The following CELF2 variants were observed in gnomAD, a reference collection of about 807,000 sequenced individuals.
CELF2 encodes the protein CUGBP Elav-like family member 2.
CELF2 carries 8 observed loss-of-function variants against 62.6 expected under a neutral mutation model. That is an observed-to-expected ratio of 0.13 (90% CI 0.07 to 0.23). The LOEUF is 0.23. Ranked by LOEUF, CELF2 falls within the 10% of genes least tolerant of loss-of-function variation. CELF2 has a pLI of 1.00. For synonymous variants in CELF2, 258 were observed against 250.0 expected (o/e 1.03, Z -0.30); for missense variants, 333 against 671.0 (o/e 0.50, Z 5.56).
At chr10:10,502,142 T>C in the CELF2 span, among the ~76,000 whole-genome samples, 1 of 152,112 alleles carries the variant, frequency 6.6e-6, no homozygotes. Context: ...TCTTCATATA[T>C]ATTACTGAAT....
intron 1 of CELF2, among the ~76,000 whole-genome samples, chr10:10,912,089 TGAG>T (rs904842856): frequency 2.0e-5 from 3 of 152,160 alleles, no homozygotes; most frequent in Non-Finnish European, 2.9e-5. Context: ...CCGTAAATCT[TGAG>T]GAGAAGAAAG....
At chr10:10,556,481 C>T in the CELF2 span, among the ~76,000 whole-genome samples, 4 of 152,056 alleles carry the variant, frequency 2.6e-5, no homozygotes, top group Non-Finnish European at 5.9e-5. Context: ...TGAATAATGC[C>T]GCAATAAACA....
intron 1 of CELF2, among the ~76,000 whole-genome samples, chr10:10,863,243 T>C (rs749132661): frequency 6.6e-6 from 1 of 152,198 alleles, no homozygotes. Context: ...TTAATCCCAC[T>C]ATCACATTAA....
At chr10:11,320,712 A>G (rs2140953458) in intron 10 of CELF2, 1 of 847,042 alleles carries the variant, frequency 1.2e-6, no homozygotes, top group East Asian at 2.6e-5. Context: ...GGCCTAAGGG[A>G]AAAAAGTTTT....
rs2096087078 is a variant in CELF2, at chr10:11,334,731, A to G, written c.*5678A>G. The G allele has an allele frequency of 6.6e-6, 1 of 151,966 alleles. No homozygotes were observed. Among genetic ancestry groups the G allele is most frequent in the Non-Finnish European group, 1.5e-5 (1 of 67,982 alleles). The allele number at this position is 151,966 out of a possible 1,614,324, so 9.4% of individuals were successfully genotyped here. A position where few individuals can be genotyped will look rare whatever the true frequency, so the allele number is the denominator to read the frequency against. The stretch of plus-strand genomic sequence containing the variant: ...ACGCAGTTCTTAACATACATTCCAA[A>G]CTGCTGCGGGGTTTCCTCTCCACAC... On this transcript the variant is annotated 3_prime_UTR_variant, in exon 13 of 13. Transcript: ENST00000633077.
chr10:10,598,928 T>C, the CELF2 span, among the ~76,000 whole-genome samples: 2 of 151,800 alleles, frequency 1.3e-5, no homozygotes, highest in Admixed American at 6.6e-5. Flanking sequence ...TATTTTTGTA[T>C]TTTTAGTAGA....
At chr10:11,308,096 C>T (rs892979260) in intron 9 of CELF2, among the ~76,000 whole-genome samples, 1 of 152,226 alleles carries the variant, frequency 6.6e-6, no homozygotes, top group African/African-American at 2.4e-5. Flanking sequence ...AATATGTCAT[C>T]TTACTAACTT....
the CELF2 span, among the ~76,000 whole-genome samples, chr10:10,491,659 T>C: frequency 6.6e-6 from 1 of 152,192 alleles, no homozygotes; most frequent in Non-Finnish European, 1.5e-5. Flanking sequence ...CTCTAATCTC[T>C]GAAACAAAAA....
At chr10:11,202,845 AT>A (rs2059520840) in intron 2 of CELF2, among the ~76,000 whole-genome samples, 1 of 148,602 alleles carries the variant, frequency 6.7e-6, no homozygotes, top group Non-Finnish European at 1.5e-5. Flanking sequence ...TGCCTAGAGC[AT>A]TTTAGCTCCT....
the CELF2 span, among the ~76,000 whole-genome samples, chr10:10,622,187 C>T: frequency 0.035 from 5,296 of 152,238 alleles, 198 homozygotes; most frequent in African/African-American, 0.098. Flanking sequence ...CACCACAAGG[C>T]CTGTGCATTC....
At chr10:10,582,742 A>T in the CELF2 span, among the ~76,000 whole-genome samples, 3 of 152,208 alleles carry the variant, frequency 2.0e-5, no homozygotes, top group Non-Finnish European at 2.9e-5. Flanking sequence ...AAGCGTAAAA[A>T]TATGATACAA....
chr10:11,148,516 C>A (rs932496804), intron 1 of CELF2, among the ~76,000 whole-genome samples: 3 of 152,184 alleles, frequency 2.0e-5, no homozygotes, highest in Non-Finnish European at 4.4e-5. Context: ...ATTTTAATCA[C>A]AGTCAAGGGC....
Position 11,125,686 on chromosome 10 carries a change from G to A in CELF2, c.75-39800G>A, listed in dbSNP as rs1206975490. 5.9e-5 allele frequency among the ~76,000 whole-genome samples: 9 copies of A among 151,692 alleles called. No homozygotes were observed. The East Asian group carries it at 1.2e-3, about 19-fold the overall frequency. On this transcript the variant is annotated intron_variant, in intron 1 of 12. Transcript: ENST00000633077. ...GGTGATGGTAGCGTTTTGCCACACT[G>A]CTGTCACCTCTCGGTTTTGCTATCC... is the stretch of plus-strand genomic sequence containing the variant.
rs1023757453 is a variant in CELF2, at chr10:11,333,096, A to G, written c.*4043A>G. The G allele has an allele frequency of 2.0e-5, 3 of 152,012 alleles. No homozygotes were observed. Among genetic ancestry groups the G allele is most frequent in the Non-Finnish European group, 2.9e-5 (2 of 68,004 alleles). 9.4% of individuals were successfully genotyped at this position (152,012 alleles called of 1,614,324 possible). A position where few individuals can be genotyped will look rare whatever the true frequency, so the allele number is the denominator to read the frequency against. On this transcript the variant is annotated 3_prime_UTR_variant, in exon 13 of 13. Coordinates refer to ENST00000633077, the MANE Select transcript of CELF2 (RefSeq NM_001326342.2). ...CCTCCCCATCTCCCTCTCAACCTCA[A>G]CCCACCTGCATGCATCTCCCCCAGA...
intron 1 of CELF2, among the ~76,000 whole-genome samples, chr10:11,162,793 A>G (rs921805510): frequency 2.0e-5 from 3 of 152,198 alleles, no homozygotes; most frequent in Non-Finnish European, 2.9e-5. Context: ...AGAAGGAATT[A>G]ACAGTAGGAA....
Position 11,165,821 on chromosome 10 carries a change from CT to C in CELF2, c.271+140del. 2 of 783,388 alleles carry C rather than the reference CT, an allele frequency of 2.6e-6. No individual in the cohort carries two copies. The highest frequency in any genetic ancestry group is 3.9e-6 in the Non-Finnish European group (2 of 508,540). 48.5% of individuals were successfully genotyped at this position (783,388 alleles called of 1,614,324 possible). On this transcript the variant is annotated intron_variant, in intron 2 of 12. Coordinates refer to ENST00000633077, the MANE Select transcript of CELF2 (RefSeq NM_001326342.2). The surrounding 1 kb of genome is among the most constrained non-coding windows in gnomAD (Gnocchi z 7.4). ...GCAGCCGGTGCTGGCGGCCCCTGTG[CT>C]CCAGGGGCTGCTCCCGACTCCTCCC...
At position 10,997,484 on chromosome 10, in the gene CELF2, T is replaced by C. The variant is rs1253846708; in HGVS notation, c.89+77485T>C. ...CACTGTGGTCTTTATTAAGCTTGTGTGGTTTACTTCTTAGGATTCCCTAGA... is the reference window on the plus strand; with the variant it reads ...CACTGTGGTCTTTATTAAGCTTGTGCGGTTTACTTCTTAGGATTCCCTAGA... On this transcript the variant is annotated intron_variant, in intron 2 of 13. Transcript: ENST00000636488. This position sits in a 1 kb window ranked among gnomAD's most constrained non-coding sequence, Gnocchi z 5.3. Among the ~76,000 whole-genome samples, 3 of 152,190 alleles carry C rather than the reference T, an allele frequency of 2.0e-5. No homozygotes were observed. Among genetic ancestry groups the C allele is most frequent in the African/African-American group, 2.4e-5 (1 of 41,442 alleles).
chr10:10,565,990 T>C, the CELF2 span, among the ~76,000 whole-genome samples: 1 of 152,196 alleles, frequency 6.6e-6, no homozygotes, highest in Non-Finnish European at 1.5e-5. Context: ...TCTCCTTTTC[T>C]TGCACTTGAG....
At chr10:10,973,342 G>A (rs2050967765) in intron 2 of CELF2, among the ~76,000 whole-genome samples, 1 of 152,100 alleles carries the variant, frequency 6.6e-6, no homozygotes, top group African/African-American at 2.4e-5. Flanking sequence ...TAGGGGATAT[G>A]ACTCCTGGGT....
Sources: allele counts gnomAD v4.1 joint callset (sites outside exome capture counted in the v4.1 genomes callset), GRCh38; gene constraint gnomAD v4.1.1; non-coding constraint Gnocchi (gnomAD v3.1); transcripts MANE v1.5; gene names NCBI Gene and HGNC (gene_info 2026-07-23, HGNC 2026-07-21).